FBP2: variants seen among roughly 807,000 people sequenced by gnomAD.
The protein encoded by FBP2 is fructose-bisphosphatase 2, also known as fructose-1,6-bisphosphatase isozyme 2.
In FBP2, 27 loss-of-function variants were observed where a neutral mutation model predicts 31.6. That is an observed-to-expected ratio of 0.85 (90% CI 0.63 to 1.18). The LOEUF (loss-of-function observed/expected upper bound fraction) is 1.18. Ranked by LOEUF, FBP2 falls within the 50% of genes most tolerant of loss-of-function variation. FBP2 has a pLI of 0.00. For synonymous variants in FBP2, 168 were observed against 179.8 expected, an observed-to-expected ratio of 0.93 and a Z score of 0.53; for missense variants, 421 against 436.1, an observed-to-expected ratio of 0.97 and a Z score of 0.31.
chr9:94,581,929 G>A (rs1465852432), intron 3 of FBP2, among the ~76,000 whole-genome samples: 2 of 137,264 alleles, frequency 1.5e-5, no homozygotes, highest in Admixed American at 7.1e-5. Context: ...GCCACGCCAG[G>A]CAAGGGTTAG....
At chr9:94,567,750 C>T (rs1397535898) in intron 4 of FBP2, 1 of 217,510 alleles carries the variant, frequency 4.6e-6, no homozygotes, top group Non-Finnish European at 9.1e-6. Flanking sequence ...TTCTCACCCG[C>T]AGATTAATGT....
chr9:94,584,716 A>G, intron 2 of FBP2, 47 bp from the exon 3 acceptor site: 1 of 1,170,378 alleles, frequency 8.5e-7, no homozygotes, highest in Non-Finnish European at 1.3e-6. Context: ...TCTTCCCATT[A>G]GCACAATTGC....
intron 5 of FBP2, among the ~76,000 whole-genome samples, chr9:94,567,057 A>G (rs929203059): frequency 2.6e-5 from 4 of 152,220 alleles, no homozygotes; most frequent in African/African-American, 9.6e-5. Context: ...AAAAACTCAA[A>G]TGTAAAGATA....
intron 2 of FBP2, among the ~76,000 whole-genome samples, chr9:94,585,409 C>A (rs914646147): frequency 6.6e-6 from 1 of 152,016 alleles, no homozygotes; most frequent in Admixed American, 6.6e-5. Flanking sequence ...GGCAGCAAGG[C>A]TGGATTTCAT....
rs533073678 is a variant in FBP2, at chr9:94,582,147, G to C, written c.426+2430C>G. 3.8e-3 allele frequency among the ~76,000 whole-genome samples: 576 copies of C among 152,288 alleles called. 3 individuals are homozygous for C. Among genetic ancestry groups the C allele is most frequent in the African/African-American group, 0.013 (525 of 41,562 alleles). On this transcript the variant is annotated intron_variant, in intron 3 of 6. Transcript: ENST00000375337. ...ATAAAAGACCACCAACCATGGGCTAGGTCTGGCCAGTTTACAGAAAGCACA... is the reference window on the plus strand; with the variant it reads ...ATAAAAGACCACCAACCATGGGCTACGTCTGGCCAGTTTACAGAAAGCACA...
chr9:94,573,992 A>G (rs1322124953), intron 3 of FBP2, among the ~76,000 whole-genome samples: 1 of 152,220 alleles, frequency 6.6e-6, no homozygotes, highest in Non-Finnish European at 1.5e-5. Context: ...GTAGATAGCC[A>G]TTCAAAGTAT....
In FBP2 at chr9:94,558,816, T is replaced by C. The variant is rs1388599740; in HGVS notation, c.*122A>G. On this transcript the variant is annotated 3_prime_UTR_variant, in exon 7 of 7. Coordinates refer to ENST00000375337, the MANE Select transcript of FBP2 (RefSeq NM_003837.4). ...CGTAAGCAGTTTGTTGTTGCTCTTC[T>C]GTATGTGATTAAGTGGATTTACCTT... The C allele has an allele frequency of 1.1e-6, 1 of 891,818 alleles. No homozygotes were observed. The highest frequency in any genetic ancestry group is 1.8e-6 in the Non-Finnish European group (1 of 560,034). The allele number at this position is 891,818 out of a possible 1,614,324, so 55.2% of individuals were successfully genotyped here. A position where few individuals can be genotyped will look rare whatever the true frequency, so the allele number is the denominator to read the frequency against.
At position 94,563,456 on chromosome 9, in the gene FBP2, G is replaced by A. The variant is rs758492137; in HGVS notation, c.711C>T (p.Gly237=). Residue 237 remains glycine (G), a synonymous_variant, in exon 6 of 7, where the codon GGC becomes GGT. Transcript: ENST00000375337. ...YVQKKKFPED[G]SAPYGARYVG... ...CATACCTGGCCCCATAGGGAGCACT[G>A]CCATCCTAGAAGACAGAAAGCGAAG... The A allele has an allele frequency of 5.6e-6, 9 of 1,613,252 alleles. No homozygotes were observed. In the African/African-American group the frequency reaches 1.1e-4, roughly 19 times the overall value.
At chr9:94,566,504 G>A (rs1396421908) in intron 5 of FBP2, among the ~76,000 whole-genome samples, 5 of 152,186 alleles carry the variant, frequency 3.3e-5, no homozygotes, top group African/African-American at 2.4e-5. Flanking sequence ...TTAGTTAATC[G>A]AATATCTATA....
At chr9:94,568,537 A>T (rs1419478912) in intron 4 of FBP2, 1 of 152,228 alleles carries the variant, frequency 6.6e-6, no homozygotes, top group Non-Finnish European at 1.5e-5. Context: ...CAAGATTTTG[A>T]GAGTGAAAAA....
At chr9:94,571,389 GCAGAGAACTGGCATTAAGGCA>G (rs1348351965) in intron 4 of FBP2, 52 bp downstream of exon 4, 1 of 1,405,042 alleles carries the variant, frequency 7.1e-7, no homozygotes, top group Non-Finnish European at 9.6e-7. Context: ...GGACATTATC[GCAGAGAACTGGCATTAAGGCA>G]CAGAGGCCCA....
In FBP2 at chr9:94,587,459, C is replaced by T. The variant is rs537222845; in HGVS notation, c.181G>A (p.Ala61Thr). Residue 61 changes from alanine to threonine, a missense_variant, in exon 2 of 7, where the codon GCA becomes ACA. Physicochemically the swap from Ala to Thr is moderately conservative, Grantham distance 58 (BLOSUM62 0). Coordinates refer to ENST00000375337, the MANE Select transcript of FBP2 (RefSeq NM_003837.4). ...KAGLAHLYGI[A>T]GSVNVTGDEV... The stretch of plus-strand genomic sequence containing the variant: ...TCTCCCGTCACGTTAACGCTTCCTG[C>T]GATTCCATACCTGAGAAGACAAAAG... 8 of 1,613,878 alleles carry T rather than the reference C, an allele frequency of 5.0e-6. No homozygotes were observed. In the East Asian group the frequency reaches 6.7e-5, roughly 13 times the overall value.
At chr9:94,580,811 C>T (rs553167953) in intron 3 of FBP2, among the ~76,000 whole-genome samples, 3 of 152,218 alleles carry the variant, frequency 2.0e-5, no homozygotes, top group Admixed American at 6.5e-5. Context: ...TTAACAAATC[C>T]TTGTGCAGTT....
At chr9:94,590,673 G>A (rs909051968) in intron 1 of FBP2, among the ~76,000 whole-genome samples, 2 of 152,206 alleles carry the variant, frequency 1.3e-5, no homozygotes, top group Admixed American at 6.5e-5. Flanking sequence ...CCCAAAGAGT[G>A]AGCAGCAGCA....
chr9:94,567,249 C>T, intron 5 of FBP2, 21 bp downstream of exon 5: 1 of 1,613,784 alleles, frequency 6.2e-7, no homozygotes, highest in Non-Finnish European at 8.5e-7. Flanking sequence ...GTCTGCCACC[C>T]ACCTGGCTTT....
intron 5 of FBP2, 38 bp from the exon 6 acceptor site, chr9:94,563,499 T>C: frequency 5.0e-6 from 8 of 1,601,360 alleles, no homozygotes; most frequent in Non-Finnish European, 6.8e-6. Context: ...ATCCAGTGGC[T>C]TTCAGGATTA....
At chr9:94,569,664 C>T (rs1013882087) in intron 4 of FBP2, 3 of 152,208 alleles carry the variant, frequency 2.0e-5, no homozygotes, top group African/African-American at 7.2e-5. Flanking sequence ...GGCTCTCATA[C>T]ACCCTGTTAC....
intron 3 of FBP2, among the ~76,000 whole-genome samples, chr9:94,577,999 C>T (rs1035901859): frequency 5.3e-5 from 8 of 152,074 alleles, no homozygotes; most frequent in Non-Finnish European, 1.0e-4. Flanking sequence ...TTTCCAAGTT[C>T]GCATGAATCT....
At chr9:94,579,490 A>G (rs1015825955) in intron 3 of FBP2, among the ~76,000 whole-genome samples, 40 of 152,256 alleles carry the variant, frequency 2.6e-4, no homozygotes, top group African/African-American at 8.7e-4. Context: ...GGACAAGTCA[A>G]AAAGTTTAAG....
Sources: gnomAD v4.1 joint callset for allele counts (sites outside exome capture counted in the v4.1 genomes callset) on GRCh38, gnomAD v4.1.1 for gene constraint, MANE v1.5 for transcripts, NCBI Gene and HGNC (gene_info 2026-07-23, HGNC 2026-07-21) for gene names.